Variants in SHANK2 observed in about 807,000 individuals in gnomAD.
SHANK2 encodes the protein SH3 and multiple ankyrin repeat domains protein 2.
SHANK2 carries 43 observed loss-of-function variants against 133.7 expected under a neutral mutation model. The ratio of observed to expected loss-of-function variants is 0.32; its 90% confidence interval spans 0.25 to 0.41. SHANK2 has a LOEUF of 0.41. Ranked by LOEUF, SHANK2 falls within the 10% of genes least tolerant of loss-of-function variation. The probability of loss-of-function intolerance (pLI) is 1.00; values close to 1 mark genes in which losing one functional copy is unlikely to be tolerated. For synonymous variants in SHANK2, 1,017 were observed against 952.8 expected (o/e 1.07, Z -1.24); for missense variants, 1,994 against 2,235.8 (o/e 0.89, Z 2.18).
intron 14 of SHANK2, among the ~76,000 whole-genome samples, chr11:70,783,070 T>G (rs1947545000): frequency 6.6e-6 from 1 of 152,138 alleles, no homozygotes; most frequent in African/African-American, 2.4e-5. Context: ...GTCTCTGTCT[T>G]TCTGCGGATG....
chr11:70,688,689 G>A (rs1945209377), intron 15 of SHANK2, among the ~76,000 whole-genome samples: 1 of 152,156 alleles, frequency 6.6e-6, no homozygotes, highest in East Asian at 1.9e-4. Flanking sequence ...CTTGTCATGG[G>A]GCTGGCAGGT....
intron 10 of SHANK2, among the ~76,000 whole-genome samples, chr11:70,945,208 G>A (rs969920820): frequency 6.6e-6 from 1 of 152,158 alleles, no homozygotes; most frequent in Admixed American, 6.5e-5. Context: ...CTTTGCTGGG[G>A]AGATGAACCA....
chr11:71,125,122 G>C (rs1389506209), intron 3 of SHANK2, among the ~76,000 whole-genome samples: 3 of 151,976 alleles, frequency 2.0e-5, no homozygotes, highest in Admixed American at 2.0e-4. Context: ...CCCTCTCCTT[G>C]GGCCTCCCTA....
At chr11:71,135,854 C>A (rs1402977859) in intron 3 of SHANK2, among the ~76,000 whole-genome samples, 1 of 152,072 alleles carries the variant, frequency 6.6e-6, no homozygotes, top group African/African-American at 2.4e-5. Flanking sequence ...CCACCCAAGG[C>A]CTCACCTAGA....
intron 9 of SHANK2, among the ~76,000 whole-genome samples, chr11:71,073,115 G>A (rs986355355): frequency 7.3e-6 from 1 of 136,110 alleles, no homozygotes; most frequent in Non-Finnish European, 1.7e-5. Flanking sequence ...AGTGGTGGAA[G>A]GCTTGCTTTT....
At chr11:71,163,698 T>C (rs1337892500) in intron 2 of SHANK2, among the ~76,000 whole-genome samples, 2 of 152,176 alleles carry the variant, frequency 1.3e-5, no homozygotes, top group Admixed American at 6.5e-5. Context: ...AAAAGATAGT[T>C]TGCTTGTGCA....
intron 17 of SHANK2, among the ~76,000 whole-genome samples, chr11:70,620,233 T>C (rs1223990866): frequency 2.0e-5 from 3 of 152,192 alleles, no homozygotes; most frequent in African/African-American, 4.8e-5. Flanking sequence ...TGATGCTTCC[T>C]GGTGTCTGAG....
rs570500469 is a variant in SHANK2, at chr11:71,212,351, T to C, written c.-13+12346A>G. ...AATCTGATATCCTATAGATAAGGTC[T>C]TAAAATCTGCAATTTAAATAACATG... On this transcript the variant is annotated intron_variant, in intron 2 of 25. Coordinates refer to ENST00000601538, the MANE Select transcript of SHANK2 (RefSeq NM_012309.5). Among the ~76,000 whole-genome samples the C allele has an allele frequency of 9.6e-4, 146 of 152,360 alleles. 1 individual carries two copies. Among genetic ancestry groups the C allele is most frequent in the Admixed American group, 7.2e-3 (110 of 15,310 alleles).
intron 10 of SHANK2, chr11:70,952,749 TC>T (rs1400601356): frequency 1.4e-5 from 6 of 419,640 alleles, no homozygotes; most frequent in East Asian, 1.6e-4. Context: ...GCTTCGTGTG[TC>T]CGGGGGGGCC....
intron 4 of SHANK2, among the ~76,000 whole-genome samples, chr11:71,114,222 G>C (rs782538171): frequency 6.6e-5 from 10 of 152,150 alleles, no homozygotes; most frequent in Non-Finnish European, 1.2e-4. Context: ...AGGGTGGCCT[G>C]AGCATTGAAT....
In SHANK2 at chr11:71,153,673, C is replaced by T. The variant is rs1257677796; in HGVS notation, c.-12-6335G>A. ...AAAACCTTTGTAAACACCTTTAAAA[C>T]TGCAAGAGTTCAGCCGGGTGCAGTG... is the stretch of plus-strand genomic sequence containing the variant. On this transcript the variant is annotated intron_variant, in intron 2 of 25. Transcript: ENST00000601538. Among the ~76,000 whole-genome samples the T allele has an allele frequency of 2.6e-5, 4 of 152,190 alleles. No individual in the cohort carries two copies. The East Asian group carries it at 7.7e-4, about 29-fold the overall frequency.
chr11:70,581,977 G>A (rs1299441112), intron 17 of SHANK2, among the ~76,000 whole-genome samples: 2 of 152,198 alleles, frequency 1.3e-5, no homozygotes, highest in Non-Finnish European at 2.9e-5. Context: ...GCTCTGCCCC[G>A]AGCCTCATGC....
At chr11:71,189,531 GGA>G (rs1555115040) in intron 2 of SHANK2, among the ~76,000 whole-genome samples, 1 of 152,120 alleles carries the variant, frequency 6.6e-6, no homozygotes, top group African/African-American at 2.4e-5. Flanking sequence ...TGAGTAGCTG[GGA>G]CTACAGGAGC....
chr11:71,148,547 T>C (rs1297159545), intron 2 of SHANK2, among the ~76,000 whole-genome samples: 2 of 152,204 alleles, frequency 1.3e-5, no homozygotes, highest in East Asian at 3.8e-4. Flanking sequence ...GGAGGGGCCA[T>C]GCTGAACCAG....
At chr11:71,180,248 T>A (rs1216242110) in intron 2 of SHANK2, among the ~76,000 whole-genome samples, 1 of 152,246 alleles carries the variant, frequency 6.6e-6, no homozygotes, top group Non-Finnish European at 1.5e-5. Flanking sequence ...AACACCTTGT[T>A]ATTTATCAGA....
At chr11:71,241,412 A>C (rs1156880276) in intron 1 of SHANK2, among the ~76,000 whole-genome samples, 1 of 152,162 alleles carries the variant, frequency 6.6e-6, no homozygotes, top group Non-Finnish European at 1.5e-5. Context: ...CCCCTGCCCC[A>C]CACAGGCGAC....
At chr11:70,910,840 T>C (rs1358242608) in intron 10 of SHANK2, among the ~76,000 whole-genome samples, 1 of 150,434 alleles carries the variant, frequency 6.6e-6, no homozygotes, top group Non-Finnish European at 1.5e-5. Flanking sequence ...AATAGAGTGA[T>C]GAAAATCAAT....
chr11:70,906,948 T>G (rs1351298360), intron 10 of SHANK2, among the ~76,000 whole-genome samples: 3 of 152,190 alleles, frequency 2.0e-5, no homozygotes, highest in African/African-American at 7.2e-5. Flanking sequence ...GAAAACCCCA[T>G]GCAGGGCCAG....
chr11:70,848,672 G>A (rs1379345232), intron 11 of SHANK2, among the ~76,000 whole-genome samples: 1 of 152,166 alleles, frequency 6.6e-6, no homozygotes, highest in African/African-American at 2.4e-5. Flanking sequence ...GAGCAGCCAC[G>A]GCACTCACTA....
Sources: gnomAD v4.1 joint callset for allele counts (sites outside exome capture counted in the v4.1 genomes callset) on GRCh38, gnomAD v4.1.1 for gene constraint, MANE v1.5 for transcripts, NCBI Gene and HGNC (gene_info 2026-07-23, HGNC 2026-07-21) for gene names.